The following THADA variants were observed in gnomAD, a reference collection of about 807,000 sequenced individuals.
THADA encodes tRNA (32-2'-O)-methyltransferase regulator THADA.
A neutral mutation model predicts 219.8 loss-of-function variants in THADA; 213 were observed. The ratio of observed to expected loss-of-function variants is 0.97; its 90% confidence interval spans 0.87 to 1.09. THADA has a LOEUF of 1.09. Among genes scored for constraint, THADA ranks in the 50% least tolerant of loss-of-function variants. The pLI is 0.00. For missense variants in THADA, 2,956 were observed against 2,311.3 expected, an observed-to-expected ratio of 1.28 and a Z score of -5.72; for synonymous variants, 1,018 against 828.9, an observed-to-expected ratio of 1.23 and a Z score of -3.92.
At chr2:43,287,998 T>C (rs1027076198) in intron 34 of THADA, among the ~76,000 whole-genome samples, 6 of 152,238 alleles carry the variant, frequency 3.9e-5, no homozygotes, top group African/African-American at 1.4e-4. Context: ...ATAGAAACTA[T>C]GTGTTTAGGA....
At chr2:43,326,117 T>C (rs983672704) in intron 30 of THADA, among the ~76,000 whole-genome samples, 1 of 149,024 alleles carries the variant, frequency 6.7e-6, no homozygotes, top group African/African-American at 2.5e-5. Flanking sequence ...CACACAAACA[T>C]ATGCATTAGG....
chr2:43,470,938 C>T (rs973319314), intron 26 of THADA, among the ~76,000 whole-genome samples: 1 of 152,128 alleles, frequency 6.6e-6, no homozygotes, highest in African/African-American at 2.4e-5. Flanking sequence ...CAGAGCTCAT[C>T]TATGGGATGG....
At chr2:43,515,297 T>C (rs1345913814) in intron 22 of THADA, among the ~76,000 whole-genome samples, 1 of 50,618 alleles carries the variant, frequency 2.0e-5, no homozygotes, top group Non-Finnish European at 3.2e-5. Flanking sequence ...ATATAATATA[T>C]AATATGTAAT....
chr2:43,470,055 A>C (rs899842390), intron 26 of THADA, among the ~76,000 whole-genome samples: 3 of 151,978 alleles, frequency 2.0e-5, no homozygotes, highest in Non-Finnish European at 4.4e-5. Flanking sequence ...TAAAAATAAC[A>C]CAAAAATTAG....
chr2:43,390,557 T>C (rs1222216049), intron 29 of THADA, among the ~76,000 whole-genome samples: 1 of 152,212 alleles, frequency 6.6e-6, no homozygotes, highest in South Asian at 2.1e-4. Flanking sequence ...TATCTATTCC[T>C]GATTCCCCTT....
intron 28 of THADA, among the ~76,000 whole-genome samples, chr2:43,400,457 TTA>T (rs539798216): frequency 0.012 from 1,068 of 89,870 alleles, 48 homozygotes; most frequent in African/African-American, 0.038. Flanking sequence ...ATAGACAAAT[TTA>T]TATATATATA....
At chr2:43,404,160 G>A (rs1481509054) in intron 28 of THADA, among the ~76,000 whole-genome samples, 3 of 151,928 alleles carry the variant, frequency 2.0e-5, no homozygotes, top group African/African-American at 7.3e-5. Flanking sequence ...AATGAAGAGG[G>A]GAACTCCTCT....
intron 14 of THADA, among the ~76,000 whole-genome samples, chr2:43,569,299 T>C (rs76550476): frequency 0.027 from 4,047 of 152,296 alleles, 119 homozygotes; most frequent in African/African-American, 0.075. Context: ...CAGCAAGGCT[T>C]TGTAGAGAGA....
chr2:43,419,114 T>A (rs989333156), intron 28 of THADA, among the ~76,000 whole-genome samples: 1 of 152,158 alleles, frequency 6.6e-6, no homozygotes, highest in African/African-American at 2.4e-5. Flanking sequence ...GGCCTCCACA[T>A]CTTCTCTTGC....
rs1693394769 is a variant in THADA at position 43,528,102 on chromosome 2, C to A, written c.3265-114G>T. The stretch of plus-strand genomic sequence containing the variant: ...TAGGGGTCCATTCATTTAGCGCTTA[C>A]CATATGACAGAACATGTTTTAAGCT... On this transcript the variant is annotated intron_variant, in intron 21 of 37. Coordinates refer to ENST00000405975, the MANE Select transcript of THADA (RefSeq NM_022065.5). 2.2e-5 allele frequency: 13 copies of A among 578,232 alleles called. No homozygotes were observed. The South Asian group carries it at 2.8e-4, about 12-fold the overall frequency. 35.8% of individuals were successfully genotyped at this position (578,232 alleles called of 1,614,324 possible). A position where few individuals can be genotyped will look rare whatever the true frequency, so the allele number is the denominator to read the frequency against.
intron 22 of THADA, among the ~76,000 whole-genome samples, chr2:43,525,336 A>C (rs1210765293): frequency 6.6e-6 from 1 of 152,206 alleles, no homozygotes; most frequent in Non-Finnish European, 1.5e-5. Flanking sequence ...CTACAATATG[A>C]TCTTGCCACT....
intron 31 of THADA, among the ~76,000 whole-genome samples, chr2:43,294,372 G>A (rs1675108492): frequency 2.0e-5 from 3 of 152,194 alleles, no homozygotes. Flanking sequence ...GCCTCAAAGA[G>A]GAAGACAGGT....
chr2:43,293,637 T>C (rs73923560), intron 31 of THADA, among the ~76,000 whole-genome samples: 14 of 152,314 alleles, frequency 9.2e-5, no homozygotes, highest in African/African-American at 2.9e-4. Flanking sequence ...CTGGAGCTCA[T>C]GAGACAGCTT....
intron 16 of THADA, 113 bp from the exon 17 acceptor site, chr2:43,556,668 G>C: frequency 1.0e-6 from 1 of 953,864 alleles, no homozygotes; most frequent in Non-Finnish European, 1.5e-6. Context: ...CTCGAGCCTA[G>C]AGTCCCAGCT....
At chr2:43,545,645 T>A (rs1483512255) in intron 20 of THADA, among the ~76,000 whole-genome samples, 1 of 152,240 alleles carries the variant, frequency 6.6e-6, no homozygotes, top group Admixed American at 6.5e-5. Flanking sequence ...TTCTAGATTT[T>A]CTAGTTTATT....
chr2:43,510,754 T>C (rs1167146385), intron 22 of THADA, among the ~76,000 whole-genome samples: 2 of 151,132 alleles, frequency 1.3e-5, no homozygotes, highest in East Asian at 3.9e-4. Flanking sequence ...GAGGATCACC[T>C]GAGGTCAGGA....
At chr2:43,268,708 G>A (rs758075605) in intron 36 of THADA, among the ~76,000 whole-genome samples, 11 of 152,212 alleles carry the variant, frequency 7.2e-5, no homozygotes, top group Non-Finnish European at 1.6e-4. Context: ...GGCCTCTCCT[G>A]GGCCCCACCC....
chr2:43,299,094 G>A (rs775272365), intron 31 of THADA, among the ~76,000 whole-genome samples: 2 of 152,010 alleles, frequency 1.3e-5, no homozygotes, highest in African/African-American at 2.4e-5. Context: ...TTCCGGTTAT[G>A]TGTATAAGGT....
At chr2:43,428,810 GA>G (rs1170930798) in intron 27 of THADA, among the ~76,000 whole-genome samples, 1 of 152,022 alleles carries the variant, frequency 6.6e-6, no homozygotes, top group Non-Finnish European at 1.5e-5. Flanking sequence ...ATTTTGATTA[GA>G]ACTGTTCCTA....
Sources: allele counts gnomAD v4.1 joint callset (sites outside exome capture counted in the v4.1 genomes callset), GRCh38; gene constraint gnomAD v4.1.1; transcripts MANE v1.5; gene names NCBI Gene and HGNC (gene_info 2026-07-23, HGNC 2026-07-21).